Variants in CTNNA3 observed in about 807,000 individuals in gnomAD.
CTNNA3 encodes catenin alpha 3.
In CTNNA3, 76 loss-of-function variants were observed where a neutral mutation model predicts 95.7. The observed-to-expected ratio is 0.79, with a 90% CI of 0.66 to 0.96. The LOEUF (loss-of-function observed/expected upper bound fraction) is 0.96, where lower values mean the gene tolerates loss of function less well. CTNNA3 is among the 40% of genes least tolerant of loss of function. The pLI is 0.00. For synonymous variants in CTNNA3, 431 were observed against 374.4 expected (o/e 1.15, Z -1.74); for missense variants, 1,191 against 1,089.8 (o/e 1.09, Z -1.31).
intron 13 of CTNNA3, among the ~76,000 whole-genome samples, chr10:66,186,569 T>C (rs2086356212): frequency 1.3e-5 from 2 of 152,224 alleles, no homozygotes; most frequent in African/African-American, 4.8e-5. Context: ...ACATTTCATA[T>C]GTTAATAAGA....
intron 1 of CTNNA3, among the ~76,000 whole-genome samples, chr10:67,718,764 C>CT (rs1385130540): frequency 1.3e-5 from 2 of 152,102 alleles, no homozygotes; most frequent in African/African-American, 2.4e-5. Context: ...CTGAAATTTT[C>CT]TTTTTTTGTT....
At chr10:67,189,385 A>G (rs1863016140) in intron 6 of CTNNA3, among the ~76,000 whole-genome samples, 1 of 152,096 alleles carries the variant, frequency 6.6e-6, no homozygotes, top group Non-Finnish European at 1.5e-5. Flanking sequence ...CAGGAGGAAT[A>G]AATACAAGAA....
intron 15 of CTNNA3, among the ~76,000 whole-genome samples, chr10:66,053,385 T>TTATTTTTAAATTTTAAAATAC (rs1368711366): frequency 2.0e-5 from 3 of 152,042 alleles, no homozygotes; most frequent in Non-Finnish European, 2.9e-5. Flanking sequence ...ATTTTGTGGG[T>TTATTTTTAAATTTTAAAATAC]ACATAGTAGA....
chr10:67,294,225 A>T (rs1839948311), intron 5 of CTNNA3, among the ~76,000 whole-genome samples: 1 of 152,162 alleles, frequency 6.6e-6, no homozygotes, highest in Non-Finnish European at 1.5e-5. Context: ...GAAAAAAATA[A>T]ATCAATGAGT....
intron 12 of CTNNA3, among the ~76,000 whole-genome samples, chr10:66,361,132 T>A (rs1372335396): frequency 3.1e-5 from 2 of 64,924 alleles, no homozygotes; most frequent in Non-Finnish European, 1.0e-4. Flanking sequence ...AAATTTTGAA[T>A]TTTTTGTTTT....
At chr10:67,385,758 A>G (rs1184722272) in intron 5 of CTNNA3, among the ~76,000 whole-genome samples, 1 of 151,898 alleles carries the variant, frequency 6.6e-6, no homozygotes, top group Non-Finnish European at 1.5e-5. Context: ...AGCTGTGTCC[A>G]GGAACTACAT....
chr10:67,034,985 GC>G (rs1167840873), intron 7 of CTNNA3, among the ~76,000 whole-genome samples: 1 of 152,140 alleles, frequency 6.6e-6, no homozygotes, highest in Non-Finnish European at 1.5e-5. Flanking sequence ...CTCTTGGAAG[GC>G]CCCGTTCAGA....
At chr10:67,434,374 T>C (rs1290573369) in intron 5 of CTNNA3, among the ~76,000 whole-genome samples, 2 of 152,040 alleles carry the variant, frequency 1.3e-5, no homozygotes, top group African/African-American at 2.4e-5. Flanking sequence ...AGAATACTAA[T>C]AATGCCATCA....
At chr10:66,749,308 C>T (rs114769422) in intron 9 of CTNNA3, among the ~76,000 whole-genome samples, 106 of 151,922 alleles carry the variant, frequency 7.0e-4, no homozygotes, top group African/African-American at 2.5e-3. Flanking sequence ...ATGTATCCAC[C>T]GTTGCAGTAT....
intron 15 of CTNNA3, among the ~76,000 whole-genome samples, chr10:66,040,593 G>C (rs1303109701): frequency 6.6e-6 from 1 of 151,988 alleles, no homozygotes; most frequent in Non-Finnish European, 1.5e-5. Flanking sequence ...GATGGGGCTA[G>C]AGGCCATTAT....
intron 13 of CTNNA3, among the ~76,000 whole-genome samples, chr10:66,228,921 A>T (rs535545703): frequency 6.6e-6 from 1 of 152,076 alleles, no homozygotes; most frequent in Non-Finnish European, 1.5e-5. Flanking sequence ...TTTTTGACTT[A>T]AAGTATTTTA....
intron 2 of CTNNA3, among the ~76,000 whole-genome samples, chr10:67,622,342 G>GT (rs1284548142): frequency 5.9e-5 from 9 of 152,200 alleles, no homozygotes; most frequent in African/African-American, 2.2e-4. Context: ...TTAGAAGTGG[G>GT]TATCTATGGA....
chr10:66,930,885 T>G (rs900340405), intron 7 of CTNNA3, among the ~76,000 whole-genome samples: 3 of 152,120 alleles, frequency 2.0e-5, no homozygotes, highest in Admixed American at 6.5e-5. Context: ...GGAAAAAAGT[T>G]CTTTCTTTCT....
chr10:67,161,966 C>G (rs1490290863), intron 7 of CTNNA3, among the ~76,000 whole-genome samples: 2 of 152,054 alleles, frequency 1.3e-5, no homozygotes, highest in Non-Finnish European at 2.9e-5. Flanking sequence ...GTCAATCCTT[C>G]AAGAAGACAT....
At chr10:67,430,001 T>A (rs2132893322) in intron 5 of CTNNA3, among the ~76,000 whole-genome samples, 1 of 152,106 alleles carries the variant, frequency 6.6e-6, no homozygotes, top group Non-Finnish European at 1.5e-5. Flanking sequence ...GGAAAAAGAC[T>A]TCCATTGATA....
Position 67,464,981 on chromosome 10 carries a change from T to C in CTNNA3, c.579+56861A>G, listed in dbSNP as rs138163654. 5.5e-3 allele frequency among the ~76,000 whole-genome samples: 835 copies of C among 152,192 alleles called. 14 individuals carry two copies. The highest frequency in any genetic ancestry group is 0.019 in the African/African-American group (791 of 41,574). ...TAACAAATACCTAAAAGATTTTTAA[T>C]GCTTTATGAAGGCAATTGCCTGTGT... On this transcript the variant is annotated intron_variant, in intron 5 of 17. Transcript: ENST00000433211.
At chr10:66,944,021 G>A (rs1019935667) in intron 7 of CTNNA3, among the ~76,000 whole-genome samples, 1 of 152,094 alleles carries the variant, frequency 6.6e-6, no homozygotes, top group African/African-American at 2.4e-5. Context: ...TAAAAGTTGA[G>A]GTGACTGTGG....
intron 7 of CTNNA3, among the ~76,000 whole-genome samples, chr10:66,786,490 A>G (rs4477348): frequency 0.53 from 80,212 of 151,982 alleles, 21,982 homozygotes; most frequent in East Asian, 0.73. Flanking sequence ...AATCAGCCCA[A>G]TTGAAATCAA....
At chr10:66,697,656 C>T (rs909486736) in intron 9 of CTNNA3, among the ~76,000 whole-genome samples, 3 of 151,946 alleles carry the variant, frequency 2.0e-5, no homozygotes, top group South Asian at 2.1e-4. Flanking sequence ...TCAATGTGCT[C>T]GTCTATGAAT....
Sources: allele counts gnomAD v4.1 joint callset (sites outside exome capture counted in the v4.1 genomes callset), GRCh38; gene constraint gnomAD v4.1.1; transcripts MANE v1.5; gene names NCBI Gene and HGNC (gene_info 2026-07-23, HGNC 2026-07-21).